Variants in MAML2 observed in about 807,000 individuals in gnomAD.
MAML2 encodes the protein mastermind like transcriptional coactivator 2.
A neutral mutation model predicts 96.1 loss-of-function variants in MAML2; 22 were observed. The ratio of observed to expected loss-of-function variants is 0.23; its 90% confidence interval spans 0.16 to 0.33. The LOEUF (loss-of-function observed/expected upper bound fraction) is 0.33. MAML2 is among the 10% of genes least tolerant of loss of function. The probability of loss-of-function intolerance (pLI) is 1.00; values close to 1 mark genes in which losing one functional copy is unlikely to be tolerated. For synonymous variants in MAML2, 561 were observed against 521.3 expected (o/e 1.08, Z -1.04); for missense variants, 1,367 against 1,392.4 (o/e 0.98, Z 0.29).
intron 2 of MAML2, among the ~76,000 whole-genome samples, chr11:96,014,737 A>G (rs1473224658): frequency 1.3e-5 from 2 of 152,194 alleles, no homozygotes; most frequent in Non-Finnish European, 2.9e-5. Flanking sequence ...CACTTGTAAC[A>G]TTTGGGGGCT....
At chr11:96,193,761 C>T (rs950156048) in intron 1 of MAML2, among the ~76,000 whole-genome samples, 2 of 152,212 alleles carry the variant, frequency 1.3e-5, no homozygotes, top group Non-Finnish European at 2.9e-5. Flanking sequence ...GCAAGAAACA[C>T]ATATTTGACT....
intron 2 of MAML2, among the ~76,000 whole-genome samples, chr11:96,040,681 T>C (rs921915015): frequency 1.3e-5 from 2 of 152,066 alleles, no homozygotes; most frequent in Non-Finnish European, 2.9e-5. Context: ...GTACGAGAAT[T>C]GCTTGAACCC....
chr11:96,307,600 C>A (rs1863482381), intron 1 of MAML2, among the ~76,000 whole-genome samples: 1 of 152,112 alleles, frequency 6.6e-6, no homozygotes, highest in South Asian at 2.1e-4. Flanking sequence ...AAAATTGGAA[C>A]GGCTTTCAAA....
intron 1 of MAML2, among the ~76,000 whole-genome samples, chr11:96,318,638 C>A (rs931789961): frequency 1.3e-5 from 2 of 152,034 alleles, no homozygotes; most frequent in East Asian, 1.9e-4. Context: ...TTACATGGGC[C>A]CACTGACCTG....
chr11:96,028,744 C>T (rs1016891228), intron 2 of MAML2, among the ~76,000 whole-genome samples: 20 of 152,102 alleles, frequency 1.3e-4, no homozygotes, highest in African/African-American at 4.8e-4. Flanking sequence ...ATTATGTGTT[C>T]TGAAAAAGGG....
chr11:96,341,479 C>G lies in MAML2; in HGVS notation c.417G>C (p.Leu139=), dbSNP rs764279104. The G allele has an allele frequency of 2.3e-5, 35 of 1,551,500 alleles. No homozygotes were observed. Among genetic ancestry groups the G allele is most frequent in the Non-Finnish European group, 3.1e-5 (35 of 1,146,944 alleles). The change falls in exon 1 of 5, where the codon CTG becomes CTC. Residue 139 remains leucine, a synonymous_variant. Transcript: ENST00000524717. ...CACTGCCACCATTATTGCTACTGTTCAGCAGGTGCTGCTGGTGGTGATGGT... is the reference window on the plus strand; with the variant it reads ...CACTGCCACCATTATTGCTACTGTTGAGCAGGTGCTGCTGGTGGTGATGGT... ...DYHHHHQQHL[L]NSSNNGGSGG... is the part of the protein sequence containing the mutation.
At chr11:96,280,381 G>T (rs1863047712) in intron 1 of MAML2, among the ~76,000 whole-genome samples, 1 of 152,112 alleles carries the variant, frequency 6.6e-6, no homozygotes, top group Non-Finnish European at 1.5e-5. Context: ...TTTGTTTCCT[G>T]CTGGGTGAAA....
At chr11:96,205,564 C>T (rs924989581) in intron 1 of MAML2, among the ~76,000 whole-genome samples, 2 of 152,174 alleles carry the variant, frequency 1.3e-5, no homozygotes, top group Non-Finnish European at 2.9e-5. Context: ...TGAAGGGACA[C>T]CTTCAAACAT....
intron 1 of MAML2, among the ~76,000 whole-genome samples, chr11:96,120,839 A>G (rs1288384777): frequency 6.6e-6 from 1 of 152,190 alleles, no homozygotes; most frequent in African/African-American, 2.4e-5. Context: ...ACTGACCTAG[A>G]GGATGAGGAT....
intron 1 of MAML2, among the ~76,000 whole-genome samples, chr11:96,224,616 A>G (rs1000938164): frequency 2.8e-4 from 42 of 152,320 alleles, no homozygotes; most frequent in Middle Eastern, 3.4e-3. Context: ...AGTGAGCTTC[A>G]TATCATATTA....
rs755521934 is a variant in MAML2, at chr11:96,092,839, G to C, written c.1192C>G (p.Leu398Val). Reference protein sequence around the residue: ...GPAFSMANSALSTSSPIPSVP... With the variant: ...GPAFSMANSAVSTSSPIPSVP... ...GAAGGGATTGGAGACGAAGTGGAGA[G>C]GGCAGAGTTGGCCATGGAGAATGCG... The change falls in exon 2 of 5, where the codon CTC (leucine) becomes GTC (valine). Residue 398 changes from leucine (L) to valine (V), a missense_variant. Physicochemically the swap from Leu to Val is conservative, Grantham distance 32 (BLOSUM62 1). Coordinates refer to ENST00000524717, the MANE Select transcript of MAML2 (RefSeq NM_032427.4). The surrounding 1 kb of genome is among the most constrained non-coding windows in gnomAD (Gnocchi z 4.1). 3 of 1,608,442 alleles carry C rather than the reference G, an allele frequency of 1.9e-6. No individual in the cohort carries two copies. In the South Asian group the frequency reaches 3.3e-5, roughly 18 times the overall value.
chr11:96,201,966 G>A (rs1324856643), intron 1 of MAML2, among the ~76,000 whole-genome samples: 7 of 151,482 alleles, frequency 4.6e-5, no homozygotes, highest in Non-Finnish European at 1.0e-4. Flanking sequence ...AAGGCCTCAT[G>A]TTAATCACAC....
chr11:96,219,247 G>A (rs1285135602), intron 1 of MAML2, among the ~76,000 whole-genome samples: 1 of 152,218 alleles, frequency 6.6e-6, no homozygotes, highest in Admixed American at 6.5e-5. Flanking sequence ...TGAGGACAGA[G>A]ATAAAATATG....
chr11:96,065,141 T>G (rs1048002870), intron 2 of MAML2, among the ~76,000 whole-genome samples: 1 of 152,230 alleles, frequency 6.6e-6, no homozygotes, highest in African/African-American at 2.4e-5. Flanking sequence ...GGAAATGTTC[T>G]GAATATATCT....
chr11:96,104,276 T>TA (rs1565215799), intron 1 of MAML2, among the ~76,000 whole-genome samples: 1 of 152,118 alleles, frequency 6.6e-6, no homozygotes, highest in African/African-American at 2.4e-5. Context: ...AAATATAAAA[T>TA]AAAAAAGATT....
chr11:96,022,043 T>C (rs1268958974), intron 2 of MAML2, among the ~76,000 whole-genome samples: 4 of 152,140 alleles, frequency 2.6e-5, no homozygotes, highest in East Asian at 3.9e-4. Flanking sequence ...GGGGTCTCTG[T>C]AGGCCAGGCC....
chr11:96,184,914 T>C (rs1252587567), intron 1 of MAML2, among the ~76,000 whole-genome samples: 1 of 152,154 alleles, frequency 6.6e-6, no homozygotes, highest in Non-Finnish European at 1.5e-5. Flanking sequence ...TTTTTAAATT[T>C]GTCTAGGATT....
chr11:95,985,417 T>C lies in MAML2; in HGVS notation c.2455+114A>G, dbSNP rs1857809308. 7 of 635,912 alleles carry C rather than the reference T, an allele frequency of 1.1e-5. No individual in the cohort carries two copies. In the East Asian group the frequency reaches 1.7e-4, roughly 16 times the overall value. The allele number at this position is 635,912 out of a possible 1,614,324, so 39.4% of individuals were successfully genotyped here. ...CTTGGCATGAAAGTCAAATGGGAGTTAGAAATTCTAAGAAAGATATTATAA... is the reference window on the plus strand; with the variant it reads ...CTTGGCATGAAAGTCAAATGGGAGTCAGAAATTCTAAGAAAGATATTATAA... On this transcript the variant is annotated intron_variant, in intron 4 of 4. Transcript: ENST00000524717.
At chr11:96,211,167 G>A (rs1421513744) in intron 1 of MAML2, among the ~76,000 whole-genome samples, 2 of 152,066 alleles carry the variant, frequency 1.3e-5, no homozygotes, top group African/African-American at 4.8e-5. Context: ...AAGCCTTAAA[G>A]GTACATACAT....
Sources: gnomAD v4.1 joint callset for allele counts (sites outside exome capture counted in the v4.1 genomes callset) on GRCh38, gnomAD v4.1.1 for gene constraint, Gnocchi (gnomAD v3.1) non-coding constraint, MANE v1.5 for transcripts, NCBI Gene and HGNC (gene_info 2026-07-23, HGNC 2026-07-21) for gene names.